Variants in KCNA5 observed in about 807,000 individuals in gnomAD.
The protein encoded by KCNA5 is cardiac potassium channel.
KCNA5 carries 22 observed loss-of-function variants against 26.5 expected under a neutral mutation model. The ratio of observed to expected loss-of-function variants is 0.83; its 90% CI spans 0.59 to 1.18. The LOEUF (loss-of-function observed/expected upper bound fraction) is 1.18, where lower values mean the gene tolerates loss of function less well. Among genes scored for constraint, KCNA5 ranks in the 50% most tolerant of loss-of-function variants. KCNA5 has a pLI of 0.00. For synonymous variants in KCNA5, 465 were observed against 372.8 expected (o/e 1.25, Z -2.85); for missense variants, 916 against 843.2 (o/e 1.09, Z -1.07).
In KCNA5 at chr12:5,045,261, C is replaced by G. The variant is rs1047059016; in HGVS notation, c.1114C>G (p.Leu372Val). ...GGCCATCTTCCCCTACTTCATCACC[C>G]TGGGCACCGAACTGGCAGAGCAGCA... ...VVAIFPYFIT[L>V]GTELAEQQPG... The change falls in exon 1 of 1, where the codon CTG becomes GTG. Residue 372 changes from leucine (L) to valine (V), a missense_variant. By Grantham distance (32) the Leu-to-Val change is conservative. Transcript: ENST00000252321. This position sits in a 1 kb window ranked among gnomAD's most constrained non-coding sequence, Gnocchi z 5.6. 1.2e-6 allele frequency: 2 copies of G among 1,614,110 alleles called. No homozygotes were observed. The highest frequency in any genetic ancestry group is 1.7e-5 in the Admixed American group (1 of 60,018).
chr12:5,045,884 C>A lies in KCNA5; in HGVS notation c.1737C>A (p.Gly579=). 2.5e-6 allele frequency: 4 copies of A among 1,614,088 alleles called. No homozygotes were observed. Among genetic ancestry groups the A allele is most frequent in the Non-Finnish European group, 3.4e-6 (4 of 1,180,022 alleles). ...TLENADSARR[G]SCPLEKCNVK... is the part of the protein sequence containing the mutation. Reference sequence around the variant, plus strand: ...AGAATGCAGACAGTGCCCGAAGGGGCAGCTGCCCCCTAGAGAAGTGTAACG... The same window carrying A: ...AGAATGCAGACAGTGCCCGAAGGGGAAGCTGCCCCCTAGAGAAGTGTAACG... The change falls in exon 1 of 1, where the codon GGC becomes GGA. Residue 579 remains glycine, a synonymous_variant. Transcript: ENST00000252321. The surrounding 1 kb of genome is among the most constrained non-coding windows in gnomAD (Gnocchi z 5.6).
chr12:5,043,895 A>C lies in KCNA5; in HGVS notation c.-253A>C, dbSNP rs1055275075. 1.2e-5 allele frequency: 6 copies of C among 510,538 alleles called. No individual in the cohort carries two copies. The Admixed American group carries it at 2.1e-4, about 17-fold the overall frequency. 31.6% of individuals were successfully genotyped at this position (510,538 alleles called of 1,614,324 possible). Reference sequence around the variant, plus strand: ...GGCGCAGCCAGAGAGGGGCGGCTGAAGGTTGCATCTGCTGGAAGGAGGCTT... The same window carrying C: ...GGCGCAGCCAGAGAGGGGCGGCTGACGGTTGCATCTGCTGGAAGGAGGCTT... On this transcript the variant is annotated 5_prime_UTR_variant, in exon 1 of 1. Coordinates refer to ENST00000252321, the MANE Select transcript of KCNA5 (RefSeq NM_002234.4).
At position 5,044,122 on chromosome 12, in the gene KCNA5, C is replaced by T. The variant is rs1201263375; in HGVS notation, c.-26C>T. On this transcript the variant is annotated 5_prime_UTR_variant, in exon 1 of 1. Coordinates refer to ENST00000252321, the MANE Select transcript of KCNA5 (RefSeq NM_002234.4). ...GGGCGCGGGAGCCGGTCAGCTGGGG[C>T]GCAGCATGCCCTCTGCTCCCGCGCC... The T allele has an allele frequency of 6.5e-7, 1 of 1,533,280 alleles. No homozygotes were observed. The highest frequency in any genetic ancestry group is 1.2e-5 in the South Asian group (1 of 83,944). The allele number at this position is 1,533,280 out of a possible 1,614,324, so 95.0% of individuals were successfully genotyped here.
At position 5,044,376 on chromosome 12, in the gene KCNA5, C is replaced by T. The variant is rs202083721; in HGVS notation, c.229C>T (p.Pro77Ser). 573 of 1,566,096 alleles carry T rather than the reference C, an allele frequency of 3.7e-4. 3 individuals carry two copies. In the Admixed American group the frequency reaches 7.5e-3, roughly 21 times the overall value. The change falls in exon 1 of 1, where the codon CCC (proline) becomes TCC (serine). Residue 77 changes from proline to serine, a missense_variant. Coordinates refer to ENST00000252321, the MANE Select transcript of KCNA5 (RefSeq NM_002234.4). ...TCCGCTGCCGGACCCGGGAGTGCGGCCCTTGCCTCCGCTGCCAGAGGAGCT... is the reference window on the plus strand; with the variant it reads ...TCCGCTGCCGGACCCGGGAGTGCGGTCCTTGCCTCCGCTGCCAGAGGAGCT... ...LPPLPDPGVR[P>S]LPPLPEELPR...
Position 5,046,407 on chromosome 12 carries a change from T to C in KCNA5, c.*418T>C, listed in dbSNP as rs1376001364. 2 of 230,790 alleles carry C rather than the reference T, an allele frequency of 8.7e-6. No individual in the cohort carries two copies. Among genetic ancestry groups the C allele is most frequent in the East Asian group, 2.1e-4 (2 of 9,542 alleles). 14.3% of individuals were successfully genotyped at this position (230,790 alleles called of 1,614,324 possible). A position where few individuals can be genotyped will look rare whatever the true frequency, so the allele number is the denominator to read the frequency against. ...TGTGTATAGGGGAAAATATTATTTT[T>C]ATGCCTGGTAAGTGGCTTTTTGTAC... is the stretch of plus-strand genomic sequence containing the variant. On this transcript the variant is annotated 3_prime_UTR_variant, in exon 1 of 1. Transcript: ENST00000252321.
chr12:5,046,105 CT>C lies in KCNA5; in HGVS notation c.*117del, dbSNP rs1361911226. 1 of 1,267,182 alleles carries C rather than the reference CT, an allele frequency of 7.9e-7. No homozygotes were observed. The highest frequency in any genetic ancestry group is 2.0e-5 in the Admixed American group (1 of 50,830). 78.5% of individuals were successfully genotyped at this position (1,267,182 alleles called of 1,614,324 possible). On this transcript the variant is annotated 3_prime_UTR_variant, in exon 1 of 1. Coordinates refer to ENST00000252321, the MANE Select transcript of KCNA5 (RefSeq NM_002234.4). ...GTCACACTGTAACCTCAGTCTACCC[CT>C]CTCCTTTCACTCCTTTCCTCCCTCC...
At position 5,044,204 on chromosome 12, in the gene KCNA5, C is replaced by T. The variant is rs1368838223; in HGVS notation, c.57C>T (p.Gly19=). The T allele has an allele frequency of 2.0e-6, 3 of 1,537,624 alleles. No individual in the cohort carries two copies. Among genetic ancestry groups the T allele is most frequent in the Non-Finnish European group, 2.6e-6 (3 of 1,146,776 alleles). Reference sequence around the variant, plus strand: ...GCGGTGCCATGACCGTCAGAGGAGGCGATGAGGCCCGGGCAGGCTGCGGCC... The same window carrying T: ...GCGGTGCCATGACCGTCAGAGGAGGTGATGAGGCCCGGGCAGGCTGCGGCC... ...ENGGAMTVRG[G]DEARAGCGQA... Residue 19 remains glycine, a synonymous_variant, in exon 1 of 1, where the codon GGC becomes GGT. Coordinates refer to ENST00000252321, the MANE Select transcript of KCNA5 (RefSeq NM_002234.4).
At position 5,045,683 on chromosome 12, in the gene KCNA5, G is replaced by A. The variant is rs774013325; in HGVS notation, c.1536G>A (p.Val512=). ...IAGVLTIALP[V]PVIVSNFNYF... is the part of the protein sequence containing the mutation. ...GGGTCCTCACCATTGCCCTGCCTGT[G>A]CCCGTCATCGTCTCCAACTTCAACT... Residue 512 remains valine (V), a synonymous_variant, in exon 1 of 1, where the codon GTG becomes GTA. Coordinates refer to ENST00000252321, the MANE Select transcript of KCNA5 (RefSeq NM_002234.4). This position sits in a 1 kb window ranked among gnomAD's most constrained non-coding sequence, Gnocchi z 5.6. 3 of 1,614,044 alleles carry A rather than the reference G, an allele frequency of 1.9e-6. No homozygotes were observed. Among genetic ancestry groups the A allele is most frequent in the African/African-American group, 2.7e-5 (2 of 74,906 alleles).
In KCNA5 at chr12:5,044,361, G is replaced by C. The variant is rs758310507; in HGVS notation, c.214G>C (p.Asp72His). 90 of 1,550,960 alleles carry C rather than the reference G, an allele frequency of 5.8e-5. No homozygotes were observed. The highest frequency in any genetic ancestry group is 7.0e-5 in the Non-Finnish European group (81 of 1,153,384). ...SGVRPLPPLP[D>H]PGVRPLPPLP... ...AGTGCGGCCCTTGCCTCCGCTGCCG[G>C]ACCCGGGAGTGCGGCCCTTGCCTCC... Residue 72 changes from aspartate to histidine, a missense_variant, in exon 1 of 1, where the codon GAC (aspartate) becomes CAC (histidine). Physicochemically the swap from Asp to His is moderately conservative, Grantham distance 81 (BLOSUM62 -1). Transcript: ENST00000252321.
Position 5,046,061 on chromosome 12 carries a change from A to G in KCNA5, c.*72A>G. The G allele has an allele frequency of 2.6e-6, 4 of 1,566,402 alleles. No individual in the cohort carries two copies. Among genetic ancestry groups the G allele is most frequent in the Admixed American group, 3.4e-5 (2 of 58,608 alleles). ...CTTGCTGAACATGGATATCTACATTATACCGCAGAGTATTTGAAGTCACAC... is the reference window on the plus strand; with the variant it reads ...CTTGCTGAACATGGATATCTACATTGTACCGCAGAGTATTTGAAGTCACAC... On this transcript the variant is annotated 3_prime_UTR_variant, in exon 1 of 1. Coordinates refer to ENST00000252321, the MANE Select transcript of KCNA5 (RefSeq NM_002234.4).
Position 5,044,376 on chromosome 12 carries a change from C to A in KCNA5, c.229C>A (p.Pro77Thr). ...LPPLPDPGVR[P>T]LPPLPEELPR... Reference sequence around the variant, plus strand: ...TCCGCTGCCGGACCCGGGAGTGCGGCCCTTGCCTCCGCTGCCAGAGGAGCT... The same window carrying A: ...TCCGCTGCCGGACCCGGGAGTGCGGACCTTGCCTCCGCTGCCAGAGGAGCT... The change falls in exon 1 of 1, where the codon CCC becomes ACC. Residue 77 changes from proline to threonine, a missense_variant. By Grantham distance (38) the Pro-to-Thr change is conservative. Transcript: ENST00000252321. 6.4e-7 allele frequency: 1 copy of A among 1,566,100 alleles called. No homozygotes were observed.
rs760997833 is a variant in KCNA5 at position 5,045,962 on chromosome 12, G to A, written c.1815G>A (p.Leu605=). The change falls in exon 1 of 1, where the codon CTG becomes CTA. Residue 605 remains leucine, a synonymous_variant. Coordinates refer to ENST00000252321, the MANE Select transcript of KCNA5 (RefSeq NM_002234.4). This position sits in a 1 kb window ranked among gnomAD's most constrained non-coding sequence, Gnocchi z 5.6. ...GGAGGTCCCTTTATGCCCTCTGCCT[G>A]GACACCAGCCGGGAAACAGATTTGT... The part of the protein sequence containing the change: ...DLRRSLYALC[L]DTSRETDL The A allele has an allele frequency of 1.2e-6, 2 of 1,613,522 alleles. No homozygotes were observed. Among genetic ancestry groups the A allele is most frequent in the South Asian group, 2.2e-5 (2 of 91,082 alleles).
Position 5,045,158 on chromosome 12 carries a change from C to T in KCNA5, c.1011C>T (p.Phe337=), listed in dbSNP as rs977096843. 1.9e-6 allele frequency: 3 copies of T among 1,614,034 alleles called. No homozygotes were observed. The highest frequency in any genetic ancestry group is 1.7e-6 in the Non-Finnish European group (2 of 1,180,042). The part of the protein sequence containing the change: ...VETTCVIWFT[F]ELLVRFFACP... ...CCACGTGCGTCATCTGGTTCACCTT[C>T]GAGCTGCTCGTGCGCTTCTTCGCCT... is the stretch of plus-strand genomic sequence containing the variant. The change falls in exon 1 of 1, where the codon TTC becomes TTT. Residue 337 remains phenylalanine (F), a synonymous_variant. Coordinates refer to ENST00000252321, the MANE Select transcript of KCNA5 (RefSeq NM_002234.4). The surrounding 1 kb of genome is among the most constrained non-coding windows in gnomAD (Gnocchi z 5.6).
At position 5,044,064 on chromosome 12, in the gene KCNA5, C is replaced by A; in HGVS notation, c.-84C>A. On this transcript the variant is annotated 5_prime_UTR_variant, in exon 1 of 1. Transcript: ENST00000252321. ...GGGCCGGCCGACCGCTGGAGCGGAG[C>A]CTGACGCCAGGCGCCCGCGGAGCGT... is the stretch of plus-strand genomic sequence containing the variant. The A allele has an allele frequency of 1.4e-6, 2 of 1,466,846 alleles. No individual in the cohort carries two copies. The highest frequency in any genetic ancestry group is 1.8e-6 in the Non-Finnish European group (2 of 1,088,344). The allele number at this position is 1,466,846 out of a possible 1,614,324, so 90.9% of individuals were successfully genotyped here.
In KCNA5 at chr12:5,046,003, C is replaced by T. The variant is rs780657697; in HGVS notation, c.*14C>T. 25 of 1,613,006 alleles carry T rather than the reference C, an allele frequency of 1.5e-5. No individual in the cohort carries two copies. The highest frequency in any genetic ancestry group is 2.0e-5 in the Non-Finnish European group (24 of 1,180,016). ...ACAGATTTGTGAAAGGAGATTCAGGCAGACTGGTGGCAGTGGAGTAGGGAA... is the reference window on the plus strand; with the variant it reads ...ACAGATTTGTGAAAGGAGATTCAGGTAGACTGGTGGCAGTGGAGTAGGGAA... On this transcript the variant is annotated 3_prime_UTR_variant, in exon 1 of 1. Transcript: ENST00000252321.
chr12:5,045,584 C>A lies in KCNA5; in HGVS notation c.1437C>A (p.Thr479=). The change falls in exon 1 of 1, where the codon ACC becomes ACA. Residue 479 remains threonine (T), a synonymous_variant. Transcript: ENST00000252321. The surrounding 1 kb of genome is among the most constrained non-coding windows in gnomAD (Gnocchi z 5.6). ...DAFWWAVVTM[T]TVGYGDMRPI... Reference sequence around the variant, plus strand: ...TCTGGTGGGCAGTGGTCACCATGACCACTGTGGGCTACGGGGACATGAGGC... The same window carrying A: ...TCTGGTGGGCAGTGGTCACCATGACAACTGTGGGCTACGGGGACATGAGGC... 1 of 1,614,222 alleles carries A rather than the reference C, an allele frequency of 6.2e-7. No homozygotes were observed.
rs772036621 is a variant in KCNA5 at position 5,044,295 on chromosome 12, G to A, written c.148G>A (p.Ala50Thr). The part of the protein sequence containing the change: ...AGLSDGPKEP[A>T]PKGRGAQRDA... ...GCTCAGCGATGGGCCCAAGGAGCCG[G>A]CGCCAAAGGGGCGCGGCGCGCAGAG... is the stretch of plus-strand genomic sequence containing the variant. Residue 50 changes from alanine (A) to threonine (T), a missense_variant, in exon 1 of 1, where the codon GCG becomes ACG. Coordinates refer to ENST00000252321, the MANE Select transcript of KCNA5 (RefSeq NM_002234.4). The A allele has an allele frequency of 1.9e-6, 3 of 1,547,698 alleles. No homozygotes were observed. The highest frequency in any genetic ancestry group is 3.7e-4 in the Middle Eastern group (2 of 5,340).
chr12:5,045,089 G>A lies in KCNA5; in HGVS notation c.942G>A (p.Pro314=), dbSNP rs772700212. The part of the protein sequence containing the change: ...MAPPSGPTVA[P]LLPRTLADPF... ...CGCCCTCTGGCCCTACGGTGGCACCGCTCCTGCCCAGGACCCTGGCCGACC... is the reference window on the plus strand; with the variant it reads ...CGCCCTCTGGCCCTACGGTGGCACCACTCCTGCCCAGGACCCTGGCCGACC... Residue 314 remains proline, a synonymous_variant, in exon 1 of 1, where the codon CCG becomes CCA. Coordinates refer to ENST00000252321, the MANE Select transcript of KCNA5 (RefSeq NM_002234.4). The surrounding 1 kb of genome is among the most constrained non-coding windows in gnomAD (Gnocchi z 5.6). 1.9e-6 allele frequency: 3 copies of A among 1,613,112 alleles called. No homozygotes were observed. The highest frequency in any genetic ancestry group is 2.2e-5 in the East Asian group (1 of 44,828).
chr12:5,046,181 T>G lies in KCNA5; in HGVS notation c.*192T>G. 1 of 735,964 alleles carries G rather than the reference T, an allele frequency of 1.4e-6. No individual in the cohort carries two copies. Among genetic ancestry groups the G allele is most frequent in the Non-Finnish European group, 2.3e-6 (1 of 427,456 alleles). 45.6% of individuals were successfully genotyped at this position (735,964 alleles called of 1,614,324 possible). A position where few individuals can be genotyped will look rare whatever the true frequency, so the allele number is the denominator to read the frequency against. ...CTTTCCATGACACCCAAGGGTCGCC[T>G]ATTTTTAAAAAGTACCACATTCCAT... On this transcript the variant is annotated 3_prime_UTR_variant, in exon 1 of 1. Transcript: ENST00000252321.
Sources: gnomAD v4.1 joint callset for allele counts on GRCh38, gnomAD v4.1.1 for gene constraint, Gnocchi (gnomAD v3.1) non-coding constraint, MANE v1.5 for transcripts, NCBI Gene and HGNC (gene_info 2026-07-23, HGNC 2026-07-21) for gene names.